SHC3: variants seen among roughly 807,000 people sequenced by gnomAD.
SHC3 encodes SHC adaptor protein 3, also known as SHC-transforming protein 3.
Under a neutral mutation model 60.4 loss-of-function variants are expected in SHC3, and 15 were observed. That is an observed-to-expected ratio of 0.25 (90% confidence interval 0.17 to 0.38). The LOEUF (loss-of-function observed/expected upper bound fraction) is 0.38. Ranked by LOEUF, SHC3 falls within the 10% of genes least tolerant of loss-of-function variation. The probability of loss-of-function intolerance (pLI) is 1.00; values close to 1 mark genes in which losing one functional copy is unlikely to be tolerated. For synonymous variants in SHC3, 294 were observed against 325.9 expected (o/e 0.90, Z 1.05); for missense variants, 677 against 786.1 (o/e 0.86, Z 1.66).
intron 1 of SHC3, among the ~76,000 whole-genome samples, chr9:89,170,537 C>T (rs557558810): frequency 2.0e-5 from 3 of 152,114 alleles, no homozygotes; most frequent in Admixed American, 6.5e-5. Flanking sequence ...CCCAGCTATT[C>T]GGGAGGCTGA....
intron 2 of SHC3, among the ~76,000 whole-genome samples, chr9:89,105,916 A>G (rs1383657058): frequency 6.6e-6 from 1 of 152,238 alleles, no homozygotes; most frequent in Non-Finnish European, 1.5e-5. Context: ...AATACCAATC[A>G]GCAACTGATA....
At chr9:89,107,482 G>A (rs952338019) in intron 2 of SHC3, among the ~76,000 whole-genome samples, 3 of 152,186 alleles carry the variant, frequency 2.0e-5, no homozygotes, top group Admixed American at 2.0e-4. Flanking sequence ...TGAAGTGGAG[G>A]CATCCAGCCT....
rs1826983884 is a variant in SHC3, at chr9:89,178,552, G to C, written c.-92C>G. On this transcript the variant is annotated 5_prime_UTR_variant, in exon 1 of 12. Coordinates refer to ENST00000375835, the MANE Select transcript of SHC3 (RefSeq NM_016848.6). This position sits in a 1 kb window ranked among gnomAD's most constrained non-coding sequence, Gnocchi z 6.9. Reference sequence around the variant, plus strand: ...GCATAGCAGGCGAGCCACTGTCCCCGGAGCGGGACGGAGAGTGGGGGCCCC... The same window carrying C: ...GCATAGCAGGCGAGCCACTGTCCCCCGAGCGGGACGGAGAGTGGGGGCCCC... 2 of 1,253,482 alleles carry C rather than the reference G, an allele frequency of 1.6e-6. No individual in the cohort carries two copies. The highest frequency in any genetic ancestry group is 6.6e-5 in the Admixed American group (2 of 30,198). 77.6% of individuals were successfully genotyped at this position (1,253,482 alleles called of 1,614,324 possible). A position where few individuals can be genotyped will look rare whatever the true frequency, so the allele number is the denominator to read the frequency against.
chr9:89,029,155 A>G (rs1000409779), intron 11 of SHC3, among the ~76,000 whole-genome samples: 1 of 151,824 alleles, frequency 6.6e-6, no homozygotes, highest in Non-Finnish European at 1.5e-5. Context: ...AGGTCAATCC[A>G]GAAGGTCTAC....
chr9:89,165,030 C>T (rs1487980343), intron 1 of SHC3, among the ~76,000 whole-genome samples: 1 of 152,146 alleles, frequency 6.6e-6, no homozygotes, highest in African/African-American at 2.4e-5. Context: ...AAATTAGAAA[C>T]TGTCTACCTG....
intron 10 of SHC3, among the ~76,000 whole-genome samples, chr9:89,041,543 G>A (rs1824687025): frequency 6.6e-6 from 1 of 152,198 alleles, no homozygotes; most frequent in Non-Finnish European, 1.5e-5. Context: ...GAGAGCACAA[G>A]TGGGAGGAGA....
intron 10 of SHC3, among the ~76,000 whole-genome samples, chr9:89,039,688 C>T (rs939389356): frequency 6.6e-6 from 1 of 151,946 alleles, no homozygotes; most frequent in African/African-American, 2.4e-5. Context: ...TAACCATCAT[C>T]ATCACCATCA....
Position 89,037,465 on chromosome 9 carries a change from A to G in SHC3, c.1656+528T>C, listed in dbSNP as rs760872762. The G allele has an allele frequency of 4.1e-5, 29 of 699,072 alleles. No individual in the cohort carries two copies. The South Asian group carries it at 4.4e-4, about 11-fold the overall frequency. 43.3% of individuals were successfully genotyped at this position (699,072 alleles called of 1,614,324 possible). A position where few individuals can be genotyped will look rare whatever the true frequency, so the allele number is the denominator to read the frequency against. ...GAAGATGAAAAATTCAGCCAAACCTACGGGATTATTCAGATACAGCTGTAG... is the reference window on the plus strand; with the variant it reads ...GAAGATGAAAAATTCAGCCAAACCTGCGGGATTATTCAGATACAGCTGTAG... On this transcript the variant is annotated intron_variant, in intron 11 of 11. Coordinates refer to ENST00000375835, the MANE Select transcript of SHC3 (RefSeq NM_016848.6).
intron 2 of SHC3, chr9:89,110,467 A>G: frequency 1.0e-6 from 1 of 984,796 alleles, no homozygotes; most frequent in South Asian, 4.7e-5. Flanking sequence ...AATCACAGGT[A>G]TGTTGAACAC....
At chr9:89,132,425 G>A (rs1406091076) in intron 1 of SHC3, among the ~76,000 whole-genome samples, 1 of 151,978 alleles carries the variant, frequency 6.6e-6, no homozygotes, top group Admixed American at 6.6e-5. Flanking sequence ...AGTTCATATG[G>A]AACCAAAAAA....
chr9:89,178,580 G>C lies in SHC3; in HGVS notation c.-120C>G. On this transcript the variant is annotated 5_prime_UTR_variant, in exon 1 of 12. Transcript: ENST00000375835. The surrounding 1 kb of genome is among the most constrained non-coding windows in gnomAD (Gnocchi z 6.9). ...GCGGGACGGAGAGTGGGGGCCCCGG[G>C]ACAGCCTTCTGGAGAACGAGAGCAG... The C allele has an allele frequency of 1.1e-6, 1 of 883,648 alleles. No individual in the cohort carries two copies. The highest frequency in any genetic ancestry group is 1.6e-6 in the Non-Finnish European group (1 of 621,776). The allele number at this position is 883,648 out of a possible 1,614,324, so 54.7% of individuals were successfully genotyped here.
At chr9:89,059,020 G>C (rs1472116363) in intron 6 of SHC3, among the ~76,000 whole-genome samples, 5 of 148,626 alleles carry the variant, frequency 3.4e-5, no homozygotes, top group African/African-American at 1.2e-4. Flanking sequence ...ATGGAGGGCG[G>C]TGGTGGAGAA....
chr9:89,045,429 C>T (rs935561234), intron 9 of SHC3, among the ~76,000 whole-genome samples: 4 of 151,918 alleles, frequency 2.6e-5, no homozygotes, highest in Non-Finnish European at 5.9e-5. Flanking sequence ...TACAGGCACC[C>T]GCCACCACAC....
At chr9:89,054,536 C>T (rs1824917347) in intron 6 of SHC3, among the ~76,000 whole-genome samples, 1 of 152,234 alleles carries the variant, frequency 6.6e-6, no homozygotes, top group African/African-American at 2.4e-5. Context: ...CCACAATCTT[C>T]TAGCCTGCCC....
chr9:89,111,800 T>C (rs1299657229), intron 2 of SHC3, among the ~76,000 whole-genome samples: 1 of 152,180 alleles, frequency 6.6e-6, no homozygotes, highest in Non-Finnish European at 1.5e-5. Flanking sequence ...GAGGCATTTT[T>C]CTGAGGTGAC....
intron 7 of SHC3, among the ~76,000 whole-genome samples, chr9:89,050,422 A>T (rs1293721898): frequency 6.6e-6 from 1 of 152,188 alleles, no homozygotes; most frequent in Non-Finnish European, 1.5e-5. Context: ...AGTATGTGGG[A>T]CTACAGACAT....
intron 2 of SHC3, among the ~76,000 whole-genome samples, chr9:89,110,851 C>T (rs926684390): frequency 6.6e-6 from 1 of 152,206 alleles, no homozygotes; most frequent in Non-Finnish European, 1.5e-5. Context: ...ACATCAAAAC[C>T]TCCAAACCCA....
chr9:89,043,777 C>T (rs1188373691), intron 9 of SHC3, among the ~76,000 whole-genome samples: 3 of 151,962 alleles, frequency 2.0e-5, no homozygotes, highest in Non-Finnish European at 4.4e-5. Flanking sequence ...CTCAGCCTCC[C>T]GAGTAGCTAG....
At chr9:89,122,659 A>T (rs888104049) in intron 1 of SHC3, among the ~76,000 whole-genome samples, 3 of 152,212 alleles carry the variant, frequency 2.0e-5, no homozygotes, top group African/African-American at 7.2e-5. Context: ...AAAGCAAGTC[A>T]CGGAGTCAGC....
Sources: allele counts gnomAD v4.1 joint callset (sites outside exome capture counted in the v4.1 genomes callset), GRCh38; gene constraint gnomAD v4.1.1; non-coding constraint Gnocchi (gnomAD v3.1); transcripts MANE v1.5; gene names NCBI Gene and HGNC (gene_info 2026-07-23, HGNC 2026-07-21).